NUP210L: variants seen among roughly 807,000 people sequenced by gnomAD.
NUP210L encodes the protein nuclear pore membrane glycoprotein 210-like.
NUP210L carries 74 observed loss-of-function variants against 208.5 expected under a neutral mutation model. The observed-to-expected ratio is 0.35, with a 90% CI of 0.29 to 0.43. The LOEUF (loss-of-function observed/expected upper bound fraction) is 0.43, where lower values mean the gene tolerates loss of function less well. NUP210L is among the 20% of genes least tolerant of loss of function. The probability of loss-of-function intolerance (pLI) is 1.00; values close to 1 mark genes in which losing one functional copy is unlikely to be tolerated. For synonymous variants in NUP210L, 780 were observed against 816.9 expected, an observed-to-expected ratio of 0.95 and a Z score of 0.77; for missense variants, 1,843 against 2,289.4, an observed-to-expected ratio of 0.81 and a Z score of 3.98.
chr1:154,152,523 A>G (rs1659450696), intron 2 of NUP210L, among the ~76,000 whole-genome samples: 1 of 147,612 alleles, frequency 6.8e-6, no homozygotes, highest in Non-Finnish European at 1.5e-5. Context: ...TGTTACCCAG[A>G]CTGTTCTTAA....
chr1:154,017,796 G>T (rs978408271), intron 33 of NUP210L, among the ~76,000 whole-genome samples: 1 of 151,966 alleles, frequency 6.6e-6, no homozygotes, highest in Non-Finnish European at 1.5e-5. Flanking sequence ...GATTAGAGGC[G>T]TGAGCCACGG....
At chr1:153,997,796 TCTC>T (rs1464286015) in intron 37 of NUP210L, among the ~76,000 whole-genome samples, 2 of 151,506 alleles carry the variant, frequency 1.3e-5, no homozygotes, top group African/African-American at 2.4e-5. Flanking sequence ...TTCAAGCTAT[TCTC>T]CTGCCTCAGC....
chr1:154,004,399 G>A (rs994372100), intron 35 of NUP210L, among the ~76,000 whole-genome samples: 4 of 142,984 alleles, frequency 2.8e-5, no homozygotes, highest in East Asian at 2.1e-4. Flanking sequence ...ACGAAGTCTC[G>A]TTCTGTCGCC....
chr1:154,054,651 C>G, intron 24 of NUP210L, 119 bp downstream of exon 24: 1 of 804,038 alleles, frequency 1.2e-6, no homozygotes, highest in Non-Finnish European at 2.1e-6. Flanking sequence ...TTTATCAGAT[C>G]CACTAGTACT....
intron 25 of NUP210L, among the ~76,000 whole-genome samples, chr1:154,047,007 G>A (rs1014742254): frequency 2.6e-5 from 4 of 152,088 alleles, no homozygotes; most frequent in African/African-American, 9.7e-5. Context: ...GCAGTGAGCC[G>A]AGATCATGCC....
chr1:154,115,978 G>A (rs750597036), intron 12 of NUP210L, among the ~76,000 whole-genome samples: 12 of 152,018 alleles, frequency 7.9e-5, no homozygotes, highest in East Asian at 1.9e-4. Flanking sequence ...AAATTAGGCC[G>A]GGCGCGGTGA....
intron 16 of NUP210L, among the ~76,000 whole-genome samples, chr1:154,076,261 G>A (rs964286890): frequency 2.6e-5 from 4 of 151,772 alleles, no homozygotes; most frequent in East Asian, 3.9e-4. Flanking sequence ...GTGCCACCAC[G>A]CCCGGCTAAT....
chr1:154,081,639 C>G (rs529359780), intron 16 of NUP210L, among the ~76,000 whole-genome samples: 2 of 152,136 alleles, frequency 1.3e-5, no homozygotes, highest in South Asian at 4.2e-4. Context: ...GCCAATTATT[C>G]AATTAATCAT....
intron 30 of NUP210L, among the ~76,000 whole-genome samples, chr1:154,025,134 T>G (rs1651796863): frequency 6.6e-6 from 1 of 150,382 alleles, no homozygotes; most frequent in African/African-American, 2.4e-5. Context: ...TTCACCGTGT[T>G]AGCCAGGATG....
At chr1:154,140,380 A>G (rs553534336) in intron 4 of NUP210L, among the ~76,000 whole-genome samples, 109 of 141,350 alleles carry the variant, frequency 7.7e-4, no homozygotes, top group African/African-American at 2.8e-3. Flanking sequence ...AAAGAAAAAG[A>G]TAAAGGCAAG....
chr1:154,088,242 T>C (rs904734364), intron 16 of NUP210L, among the ~76,000 whole-genome samples: 3 of 151,344 alleles, frequency 2.0e-5, no homozygotes, highest in African/African-American at 7.3e-5. Flanking sequence ...GGGGGTTGAG[T>C]TGGGAAAATC....
exon 2 of NUP210L, chr1:154,152,783 G>A (rs1287085905): frequency 1.2e-6 from 2 of 1,613,960 alleles, no homozygotes; most frequent in Non-Finnish European, 1.7e-6. Flanking sequence ...CGGTTGCGTA[G>A]ATTCAGCAAT....
intron 27 of NUP210L, among the ~76,000 whole-genome samples, chr1:154,043,576 C>G (rs1653008913): frequency 6.6e-6 from 1 of 151,358 alleles, no homozygotes; most frequent in Admixed American, 6.6e-5. Context: ...CCTGCCTTGG[C>G]CTCCCAAAGT....
intron 16 of NUP210L, among the ~76,000 whole-genome samples, chr1:154,074,779 G>A (rs1372315969): frequency 6.6e-6 from 1 of 152,006 alleles, no homozygotes; most frequent in Non-Finnish European, 1.5e-5. Context: ...GTAAGCCACC[G>A]CACCCCGCTG....
chr1:154,081,114 T>C (rs570313186), intron 16 of NUP210L, among the ~76,000 whole-genome samples: 40 of 151,868 alleles, frequency 2.6e-4, no homozygotes, highest in Non-Finnish European at 4.6e-4. Flanking sequence ...AGTAATTACA[T>C]TAAGTATAAA....
chr1:154,140,527 C>A (rs1024363193), intron 4 of NUP210L, among the ~76,000 whole-genome samples: 1 of 150,858 alleles, frequency 6.6e-6, no homozygotes, highest in Non-Finnish European at 1.5e-5. Flanking sequence ...ATTAGCTGGG[C>A]GTGGTGGCAG....
At chr1:154,001,738 T>C (rs772025380) in exon 36 of NUP210L, 13 of 1,614,136 alleles carry the variant, frequency 8.1e-6, no homozygotes, top group Non-Finnish European at 1.1e-5. Flanking sequence ...AACATACCTC[T>C]AGCTTCCTAA....
chr1:154,030,807 C>T (rs1159054834), intron 27 of NUP210L, among the ~76,000 whole-genome samples: 2 of 151,870 alleles, frequency 1.3e-5, no homozygotes, highest in African/African-American at 4.8e-5. Context: ...TCATGGCTTC[C>T]TGTGGCCTTG....
chr1:154,019,341 C>T (rs899403086), intron 32 of NUP210L, among the ~76,000 whole-genome samples: 6 of 152,124 alleles, frequency 3.9e-5, no homozygotes, highest in Admixed American at 3.3e-4. Context: ...ACAGGGATAA[C>T]TTTCTGAATA....
Sources: gnomAD v4.1 joint callset for allele counts (sites outside exome capture counted in the v4.1 genomes callset) on GRCh38, gnomAD v4.1.1 for gene constraint, MANE v1.5 for transcripts, NCBI Gene and HGNC (gene_info 2026-07-23, HGNC 2026-07-21) for gene names.